Variants in ERC1 observed in about 807,000 individuals in gnomAD.
ERC1 encodes the protein RAB6 interacting protein 2.
Under a neutral mutation model 132.0 loss-of-function variants are expected in ERC1, and 56 were observed. The observed-to-expected ratio is 0.42, with a 90% CI of 0.34 to 0.53. The LOEUF (loss-of-function observed/expected upper bound fraction) is 0.53, where lower values mean the gene tolerates loss of function less well. Among genes scored for constraint, ERC1 ranks in the 20% least tolerant of loss-of-function variants. The pLI is 0.03. For synonymous variants in ERC1, 478 were observed against 476.1 expected (o/e 1.00, Z -0.05); for missense variants, 1,202 against 1,349.9 (o/e 0.89, Z 1.72).
chr12:1,170,768 A>G (rs1411833373), intron 8 of ERC1, among the ~76,000 whole-genome samples: 2 of 152,202 alleles, frequency 1.3e-5, no homozygotes, highest in Admixed American at 6.5e-5. Flanking sequence ...GATCTGTACC[A>G]TGAGCAAATC....
intron 13 of ERC1, among the ~76,000 whole-genome samples, chr12:1,246,731 G>A (rs1255326766): frequency 6.6e-6 from 1 of 152,194 alleles, no homozygotes; most frequent in East Asian, 1.9e-4. Flanking sequence ...GGCACTGAGA[G>A]GGACACAATA....
chr12:1,223,135 C>A (rs2074301281), intron 12 of ERC1, among the ~76,000 whole-genome samples: 1 of 152,122 alleles, frequency 6.6e-6, no homozygotes, highest in Non-Finnish European at 1.5e-5. Context: ...AGGACTTTAA[C>A]CTCTAGGAAG....
intron 7 of ERC1, among the ~76,000 whole-genome samples, chr12:1,139,360 C>T (rs933532656): frequency 1.3e-5 from 2 of 152,082 alleles, no homozygotes; most frequent in African/African-American, 4.8e-5. Context: ...GTTCACATAA[C>T]CCTTATTTTA....
At chr12:1,471,787 C>T (rs2093866974) in intron 18 of ERC1, among the ~76,000 whole-genome samples, 1 of 152,206 alleles carries the variant, frequency 6.6e-6, no homozygotes, top group African/African-American at 2.4e-5. Context: ...CTAGCAAGAC[C>T]AGATTCCTTG....
intron 12 of ERC1, among the ~76,000 whole-genome samples, chr12:1,219,118 C>T (rs1958716229): frequency 6.6e-6 from 1 of 152,090 alleles, no homozygotes; most frequent in African/African-American, 2.4e-5. Context: ...GGTGATCCAC[C>T]CGCCTTGGCC....
intron 1 of ERC1, among the ~76,000 whole-genome samples, chr12:1,008,555 G>T (rs932052114): frequency 1.3e-5 from 2 of 152,080 alleles, no homozygotes; most frequent in African/African-American, 4.8e-5. Context: ...GGGATTACAG[G>T]TGTGAGCCAC....
intron 17 of ERC1, among the ~76,000 whole-genome samples, chr12:1,418,655 CTCTCTCTTTCT>C: frequency 8.0e-6 from 1 of 124,562 alleles, no homozygotes; most frequent in East Asian, 2.1e-4. Flanking sequence ...CTCTCTCTCT[CTCTCTCTTTCT>C]TTTCTTTCTT....
At chr12:1,339,649 G>A (rs139356327) in intron 15 of ERC1, among the ~76,000 whole-genome samples, 4,401 of 152,286 alleles carry the variant, frequency 0.029, 85 homozygotes, top group South Asian at 0.086. Context: ...TGCAGTGGCA[G>A]AGGCAGCTCA....
chr12:1,108,201 C>A (rs1233732644), intron 4 of ERC1, among the ~76,000 whole-genome samples: 2 of 152,068 alleles, frequency 1.3e-5, no homozygotes, highest in African/African-American at 4.8e-5. Flanking sequence ...GTCATGATCC[C>A]TTTTTGGGAA....
intron 2 of ERC1, among the ~76,000 whole-genome samples, chr12:1,036,722 A>G (rs1266924987): frequency 1.3e-5 from 2 of 152,192 alleles, no homozygotes; most frequent in Non-Finnish European, 2.9e-5. Flanking sequence ...ACTGTCATTT[A>G]AAGTCTGATC....
In ERC1 at chr12:1,458,470, G is replaced by A. The variant is rs143537442; in HGVS notation, c.3213+13720G>A. Among the ~76,000 whole-genome samples, 591 of 151,840 alleles carry A rather than the reference G, an allele frequency of 3.9e-3. 3 individuals carry two copies. The highest frequency in any genetic ancestry group is 0.013 in the African/African-American group (553 of 41,390). On this transcript the variant is annotated intron_variant, in intron 18 of 18. Coordinates refer to ENST00000360905, the MANE Select transcript of ERC1 (RefSeq NM_178040.4). ...CAGATAAATAGATTTAGATTTCTCT[G>A]TGTGTATGTGTGTTTATATATGTGT...
chr12:1,008,352 A>T (rs1401362106), intron 1 of ERC1, among the ~76,000 whole-genome samples: 1 of 152,214 alleles, frequency 6.6e-6, no homozygotes, highest in African/African-American at 2.4e-5. Context: ...AAAAAGAAAC[A>T]ATTGGATTTT....
chr12:1,174,633 A>G (rs1213776640), intron 8 of ERC1, among the ~76,000 whole-genome samples: 1 of 152,260 alleles, frequency 6.6e-6, no homozygotes, highest in African/African-American at 2.4e-5. Context: ...ATGATGGAGT[A>G]GAAAGAAGGG....
chr12:1,450,593 T>C (rs1054492205), intron 18 of ERC1, among the ~76,000 whole-genome samples: 1 of 152,372 alleles, frequency 6.6e-6, no homozygotes, highest in Admixed American at 6.5e-5. Flanking sequence ...TGAATAGTGC[T>C]ACCGTGAACA....
rs577503057 is a variant in ERC1, at chr12:1,482,421, A to G, written c.3214-7672A>G. Among the ~76,000 whole-genome samples, 32 of 151,912 alleles carry G rather than the reference A, an allele frequency of 2.1e-4. No homozygotes were observed. In the East Asian group the frequency reaches 6.0e-3, roughly 29 times the overall value. Reference sequence around the variant, plus strand: ...GTGTTTTGCATAGAGCACTCAGTCAATTTTTTAAAGAGTTTTTTTGTTTGT... The same window carrying G: ...GTGTTTTGCATAGAGCACTCAGTCAGTTTTTTAAAGAGTTTTTTTGTTTGT... On this transcript the variant is annotated intron_variant, in intron 18 of 18. Transcript: ENST00000360905.
At chr12:1,339,261 G>A (rs1240887745) in intron 15 of ERC1, among the ~76,000 whole-genome samples, 1 of 143,516 alleles carries the variant, frequency 7.0e-6, no homozygotes, top group Non-Finnish European at 1.5e-5. Context: ...GCTAGCAGGT[G>A]CCAGGGTGCC....
At chr12:1,085,001 CATT>C (rs930818036) in intron 3 of ERC1, among the ~76,000 whole-genome samples, 2 of 64,048 alleles carry the variant, frequency 3.1e-5, no homozygotes, top group Admixed American at 1.8e-4. Context: ...ATGCCTGGCC[CATT>C]ATTATTATTG....
chr12:1,468,787 C>T (rs761168874), intron 18 of ERC1, among the ~76,000 whole-genome samples: 1 of 152,200 alleles, frequency 6.6e-6, no homozygotes, highest in Non-Finnish European at 1.5e-5. Context: ...TAGAAATCAT[C>T]TAATCTCCCC....
intron 12 of ERC1, among the ~76,000 whole-genome samples, chr12:1,219,893 A>G (rs901298955): frequency 1.3e-5 from 2 of 152,136 alleles, no homozygotes; most frequent in African/African-American, 4.8e-5. Flanking sequence ...GAACTCTTAG[A>G]CATTGTCACC....
Sources: allele counts gnomAD v4.1 joint callset (sites outside exome capture counted in the v4.1 genomes callset), GRCh38; gene constraint gnomAD v4.1.1; transcripts MANE v1.5; gene names NCBI Gene and HGNC (gene_info 2026-07-23, HGNC 2026-07-21).